E2F7: variants seen among roughly 807,000 people sequenced by gnomAD.
E2F7 encodes E2F transcription factor 7.
Under a neutral mutation model 81.1 loss-of-function variants are expected in E2F7, and 35 were observed. That is an observed-to-expected ratio of 0.43 (90% CI 0.33 to 0.57). The LOEUF (loss-of-function observed/expected upper bound fraction) is 0.57. E2F7 is among the 20% of genes least tolerant of loss of function. E2F7 has a pLI of 0.04. For synonymous variants in E2F7, 416 were observed against 416.2 expected, an observed-to-expected ratio of 1.00 and a Z score of 0.01; for missense variants, 961 against 1,093.7, an observed-to-expected ratio of 0.88 and a Z score of 1.71.
At chr12:77,042,718 C>T (rs1001667598) in intron 7 of E2F7, among the ~76,000 whole-genome samples, 5 of 152,130 alleles carry the variant, frequency 3.3e-5, no homozygotes, top group African/African-American at 9.7e-5. Context: ...AGAGAAACCA[C>T]GTTTTACTCT....
chr12:77,028,001 AAG>A lies in E2F7; in HGVS notation c.2020_2021del (p.Leu674CysfsTer4). ...EISGKATANS[L>X]VSSEWGNPSR... ...AAGGATTTCCCCACTCAGAAGAAAC[AAG>A]AGAGTTTGCTGTTGCCTTTCCTGAA... is the stretch of plus-strand genomic sequence containing the variant. On this transcript the variant is annotated frameshift_variant, in exon 11 of 13. Transcript: ENST00000322886. LOFTEE classifies it high-confidence loss of function. The A allele has an allele frequency of 6.2e-7, 1 of 1,614,174 alleles. No homozygotes were observed. Among genetic ancestry groups the A allele is most frequent in the East Asian group, 2.2e-5 (1 of 44,872 alleles).
rs765683186 is a variant in E2F7 at position 77,064,562 on chromosome 12, T to A, written c.74A>T (p.Asp25Val). The change falls in exon 2 of 13, where the codon GAT becomes GTT. Residue 25 changes from aspartate (D) to valine (V), a missense_variant. By Grantham distance (152) the Asp-to-Val change is radical (BLOSUM62 -3). Around this residue, in one of 3 missense-constraint regions of E2F7, gnomAD observed 73 missense variants for 68.4 expected, o/e 1.07. Transcript: ENST00000322886. ...RQPRLDFAVE[D>V]GENAQKENIF... ...GCTTACCTTTTGTGCATTTTCCCCA[T>A]CTTCAACTGCAAAATCTAGTCTGGG... 1 of 1,614,164 alleles carries A rather than the reference T, an allele frequency of 6.2e-7. No homozygotes were observed. The highest frequency in any genetic ancestry group is 8.5e-7 in the Non-Finnish European group (1 of 1,180,002).
chr12:77,059,227 G>GA lies in E2F7; in HGVS notation c.94-3098dup, dbSNP rs1173829039. On this transcript the variant is annotated intron_variant, in intron 2 of 12. Coordinates refer to ENST00000322886, the MANE Select transcript of E2F7 (RefSeq NM_203394.3). Reference sequence around the variant, plus strand: ...TGATTGTATTACACCTCTACATCAAGAAAAAAAAATGCCAACCCAATTGTT... The same window carrying GA: ...TGATTGTATTACACCTCTACATCAAGAAAAAAAAAATGCCAACCCAATTGTT... Among the ~76,000 whole-genome samples, 9 of 151,056 alleles carry GA rather than the reference G, an allele frequency of 6.0e-5. No individual in the cohort carries two copies. In the South Asian group the frequency reaches 1.7e-3, roughly 28 times the overall value.
chr12:77,024,643 T>C (rs936283026), intron 12 of E2F7, among the ~76,000 whole-genome samples: 3 of 152,254 alleles, frequency 2.0e-5, no homozygotes, highest in Non-Finnish European at 2.9e-5. Context: ...TAATGTTAAA[T>C]GTTAAATATT....
At position 77,028,002 on chromosome 12, in the gene E2F7, A is replaced by G; in HGVS notation, c.2021T>C (p.Leu674Pro). The G allele has an allele frequency of 6.2e-7, 1 of 1,614,148 alleles. No homozygotes were observed. Among genetic ancestry groups the G allele is most frequent in the African/African-American group, 1.3e-5 (1 of 75,046 alleles). ...EISGKATANS[L>P]VSSEWGNPSR... The stretch of plus-strand genomic sequence containing the variant: ...AGGATTTCCCCACTCAGAAGAAACA[A>G]GAGAGTTTGCTGTTGCCTTTCCTGA... Residue 674 changes from leucine (L) to proline (P), a missense_variant, in exon 11 of 13, where the codon CTT becomes CCT. Physicochemically the swap from Leu to Pro is moderately conservative, Grantham distance 98 (BLOSUM62 -3). Around this residue, in one of 3 missense-constraint regions of E2F7, gnomAD observed 587 missense variants for 620.3 expected, o/e 0.95. Coordinates refer to ENST00000322886, the MANE Select transcript of E2F7 (RefSeq NM_203394.3).
intron 2 of E2F7, 120 bp downstream of exon 2, chr12:77,064,423 G>T: frequency 1.3e-6 from 1 of 790,464 alleles, no homozygotes; most frequent in Non-Finnish European, 2.0e-6. Context: ...TTTCTATAAT[G>T]TTTATCAATA....
chr12:77,058,433 A>T (rs1955052046), intron 2 of E2F7, among the ~76,000 whole-genome samples: 1 of 152,148 alleles, frequency 6.6e-6, no homozygotes, highest in Admixed American at 6.5e-5. Context: ...AACTTTCTGA[A>T]ATTCTACACT....
intron 2 of E2F7, among the ~76,000 whole-genome samples, chr12:77,059,213 C>T (rs1471138775): frequency 6.6e-6 from 1 of 152,154 alleles, no homozygotes; most frequent in Non-Finnish European, 1.5e-5. Context: ...GATTGTATTA[C>T]ACCTCTACAT....
At chr12:77,054,663 T>C (rs534445816) in intron 3 of E2F7, among the ~76,000 whole-genome samples, 12 of 152,284 alleles carry the variant, frequency 7.9e-5, no homozygotes, top group Admixed American at 3.9e-4. Context: ...TTTAGGGGCG[T>C]GTTAAACAAC....
chr12:77,058,309 T>C (rs1406116794), intron 2 of E2F7, among the ~76,000 whole-genome samples: 1 of 152,204 alleles, frequency 6.6e-6, no homozygotes, highest in African/African-American at 2.4e-5. Context: ...CTAATATTTT[T>C]CCGTTGTATA....
intron 7 of E2F7, among the ~76,000 whole-genome samples, chr12:77,034,557 A>C (rs1954833351): frequency 6.6e-6 from 1 of 152,248 alleles, no homozygotes; most frequent in African/African-American, 2.4e-5. Context: ...CTACGTGACC[A>C]AAGGAATAAG....
chr12:77,028,089 C>G lies in E2F7; in HGVS notation c.1934G>C (p.Arg645Thr), dbSNP rs36110778. Reference sequence around the variant, plus strand: ...AATGTCTTTGAGGGGTATAGATGCCCTGTTACCCATAGTCTTGGGAGAGGC... The same window carrying G: ...AATGTCTTTGAGGGGTATAGATGCCGTGTTACCCATAGTCTTGGGAGAGGC... Reference protein sequence around the residue: ...DLASPKTMGNRASIPLKDIHV... With the variant: ...DLASPKTMGNTASIPLKDIHV... Residue 645 changes from arginine (R) to threonine (T), a missense_variant, in exon 11 of 13, where the codon AGG (arginine) becomes ACG (threonine). This residue lies in a region of E2F7 where 587 missense variants were observed against 620.3 expected (regional missense o/e 0.95). Coordinates refer to ENST00000322886, the MANE Select transcript of E2F7 (RefSeq NM_203394.3). 2,618 of 1,614,140 alleles carry G rather than the reference C, an allele frequency of 1.6e-3. 13 individuals carry two copies. In the African/African-American group the frequency reaches 0.021, roughly 13 times the overall value.
chr12:77,028,273 A>G, intron 10 of E2F7, 135 bp from the exon 11 acceptor site: 1 of 1,139,470 alleles, frequency 8.8e-7, no homozygotes, highest in South Asian at 1.7e-5. Context: ...GCTCACTGCA[A>G]CCTCTGACTC....
At chr12:77,065,094 C>T (rs1269763697) in intron 1 of E2F7, among the ~76,000 whole-genome samples, 1 of 152,202 alleles carries the variant, frequency 6.6e-6, no homozygotes, top group African/African-American at 2.4e-5. Context: ...TCCCAGGCCT[C>T]CAAGCAGATC....
At chr12:77,045,905 C>T in intron 5 of E2F7, 133 bp downstream of exon 5, 1 of 1,161,318 alleles carries the variant, frequency 8.6e-7, no homozygotes, top group Non-Finnish European at 1.2e-6. Flanking sequence ...TCTCTTTCTT[C>T]AGTGAGGAGA....
At position 77,030,584 on chromosome 12, in the gene E2F7, C is replaced by G. The variant is rs192957132; in HGVS notation, c.1383-252G>C. Among the ~76,000 whole-genome samples, 13 of 152,340 alleles carry G rather than the reference C, an allele frequency of 8.5e-5. No individual in the cohort carries two copies. In the East Asian group the frequency reaches 2.3e-3, roughly 27 times the overall value. ...GGAATCTCAGGTGAGAGTGAACATT[C>G]ATTCCTCCTTCATCTCTTCCACATC... is the stretch of plus-strand genomic sequence containing the variant. On this transcript the variant is annotated intron_variant, in intron 9 of 12. Coordinates refer to ENST00000322886, the MANE Select transcript of E2F7 (RefSeq NM_203394.3).
chr12:77,040,959 G>A (rs931042705), intron 7 of E2F7, among the ~76,000 whole-genome samples: 1 of 152,192 alleles, frequency 6.6e-6, no homozygotes, highest in Non-Finnish European at 1.5e-5. Context: ...TAGCCAAGGG[G>A]TGAAGGAGAG....
chr12:77,034,148 A>C, intron 7 of E2F7, 106 bp from the exon 8 acceptor site: 1 of 923,338 alleles, frequency 1.1e-6, no homozygotes. Context: ...TGGAGCTATC[A>C]CCCTATAAAT....
At position 77,059,025 on chromosome 12, in the gene E2F7, T is replaced by A. The variant is rs530830580; in HGVS notation, c.94-2895A>T. Among the ~76,000 whole-genome samples the A allele has an allele frequency of 2.0e-4, 31 of 152,274 alleles. No homozygotes were observed. The South Asian group carries it at 6.4e-3, about 32-fold the overall frequency. ...AAAGGTATCCTCATGGTGGAGGGTG[T>A]GGTCCAGGCATGCTGGGTGGACAGA... is the stretch of plus-strand genomic sequence containing the variant. On this transcript the variant is annotated intron_variant, in intron 2 of 12. Coordinates refer to ENST00000322886, the MANE Select transcript of E2F7 (RefSeq NM_203394.3).
Sources: allele counts gnomAD v4.1 joint callset (sites outside exome capture counted in the v4.1 genomes callset), GRCh38; gene constraint gnomAD v4.1.1; regional missense constraint gnomAD v4.1.1; transcripts MANE v1.5; gene names NCBI Gene and HGNC (gene_info 2026-07-23, HGNC 2026-07-21).